MAP4K3: variants seen among roughly 807,000 people sequenced by gnomAD.
MAP4K3 encodes the protein MAPK/ERK kinase kinase kinase 3.
Under a neutral mutation model 143.5 loss-of-function variants are expected in MAP4K3, and 94 were observed. That is an observed-to-expected ratio of 0.65 (90% CI 0.55 to 0.78). The LOEUF (loss-of-function observed/expected upper bound fraction) is 0.78, where lower values mean the gene tolerates loss of function less well. Ranked by LOEUF, MAP4K3 falls within the 30% of genes least tolerant of loss-of-function variation. MAP4K3 has a pLI of 0.00. For synonymous variants in MAP4K3, 416 were observed against 347.2 expected, an observed-to-expected ratio of 1.20 and a Z score of -2.20; for missense variants, 1,077 against 1,068.1, an observed-to-expected ratio of 1.01 and a Z score of -0.12.
intron 32 of MAP4K3, 110 bp downstream of exon 32, chr2:39,254,340 T>C: frequency 1.2e-6 from 1 of 812,238 alleles, no homozygotes; most frequent in Non-Finnish European, 2.1e-6. Flanking sequence ...ATACAGTAAG[T>C]ATTAATAAAG....
At chr2:39,415,969 A>AT (rs1667358502) in intron 1 of MAP4K3, among the ~76,000 whole-genome samples, 1 of 65,868 alleles carries the variant, frequency 1.5e-5, no homozygotes, top group African/African-American at 5.6e-5. Flanking sequence ...AAAAAAAAAA[A>AT]AAAAAAAAAA....
intron 16 of MAP4K3, 92 bp downstream of exon 16, chr2:39,299,651 T>C (rs1308792636): frequency 4.3e-5 from 26 of 600,186 alleles, no homozygotes; most frequent in Non-Finnish European, 7.0e-5. Flanking sequence ...ACCAGCCTAA[T>C]ACAATTTTCT....
At chr2:39,372,005 T>C (rs1019716412) in intron 2 of MAP4K3, among the ~76,000 whole-genome samples, 2 of 151,572 alleles carry the variant, frequency 1.3e-5, no homozygotes, top group Admixed American at 1.3e-4. Context: ...AAATTATCCT[T>C]GTTTGCAGAT....
intron 1 of MAP4K3, among the ~76,000 whole-genome samples, chr2:39,425,349 T>C (rs2148632557): frequency 1.3e-5 from 2 of 152,256 alleles, no homozygotes; most frequent in Admixed American, 1.3e-4. Flanking sequence ...AACACATATC[T>C]AGGAATATAA....
chr2:39,339,835 A>T (rs1444082868), intron 4 of MAP4K3, among the ~76,000 whole-genome samples: 2 of 152,154 alleles, frequency 1.3e-5, no homozygotes, highest in African/African-American at 4.8e-5. Flanking sequence ...AAACAAAAAC[A>T]AAACTCTGGA....
intron 15 of MAP4K3, among the ~76,000 whole-genome samples, chr2:39,302,845 C>T (rs1005933809): frequency 3.9e-5 from 6 of 152,114 alleles, no homozygotes; most frequent in Non-Finnish European, 7.3e-5. Flanking sequence ...TATCCTAGCC[C>T]AATTAAAATA....
chr2:39,429,064 CAAAAAAAAAAA>C (rs34783806), intron 1 of MAP4K3, among the ~76,000 whole-genome samples: 26 of 60,102 alleles, frequency 4.3e-4, no homozygotes, highest in South Asian at 9.6e-4. Context: ...GACTCCGTCT[CAAAAAAAAAAA>C]AAAAAAAAAA....
At position 39,288,186 on chromosome 2, in the gene MAP4K3, T is replaced by A. The variant is rs762103165; in HGVS notation, c.1409A>T (p.Lys470Met). The part of the protein sequence containing the change: ...KRCPMSGSPA[K>M]PSQVPPRPPP... ...TGGTCTAGGTGGAACTTGGGATGGC[T>A]TTGCTGGGCTCCCTGACATGGGACA... Residue 470 changes from lysine (K) to methionine (M), a missense_variant, in exon 20 of 34, where the codon AAG (lysine) becomes ATG (methionine). By Grantham distance (95) the Lys-to-Met change is moderately conservative. This residue lies in a region of MAP4K3 where 864 missense variants were observed against 801.2 expected (regional missense o/e 1.08). Coordinates refer to ENST00000263881, the MANE Select transcript of MAP4K3 (RefSeq NM_003618.4). 8.1e-6 allele frequency: 13 copies of A among 1,614,050 alleles called. No individual in the cohort carries two copies. Among genetic ancestry groups the A allele is most frequent in the Non-Finnish European group, 1.0e-5 (12 of 1,180,024 alleles).
chr2:39,348,810 C>G (rs1233472938), intron 3 of MAP4K3, among the ~76,000 whole-genome samples: 1 of 152,034 alleles, frequency 6.6e-6, no homozygotes. Flanking sequence ...CATACAGGGA[C>G]CAAAATTCTA....
chr2:39,352,161 T>C (rs1040434227), intron 3 of MAP4K3, among the ~76,000 whole-genome samples: 1 of 151,988 alleles, frequency 6.6e-6, no homozygotes, highest in African/African-American at 2.4e-5. Flanking sequence ...TGTGGTAGCG[T>C]GCGCCCGTAA....
At position 39,260,593 on chromosome 2, in the gene MAP4K3, A is replaced by G; in HGVS notation, c.2308+13T>C. On this transcript the variant is annotated intron_variant, in intron 29 of 33. Coordinates refer to ENST00000263881, the MANE Select transcript of MAP4K3 (RefSeq NM_003618.4). ...TATGTATTACCCTTAATAATTCCAT[A>G]AAAATTACAAACCTGATTCTGTAAA... is the stretch of plus-strand genomic sequence containing the variant. The G allele has an allele frequency of 6.2e-7, 1 of 1,612,156 alleles. No homozygotes were observed. Among genetic ancestry groups the G allele is most frequent in the East Asian group, 2.2e-5 (1 of 44,850 alleles).
At chr2:39,416,409 T>C (rs1187687997) in intron 1 of MAP4K3, among the ~76,000 whole-genome samples, 1 of 152,188 alleles carries the variant, frequency 6.6e-6, no homozygotes, top group Non-Finnish European at 1.5e-5. Flanking sequence ...CTTTCCCCTC[T>C]GTGCAAGAGA....
chr2:39,327,060 T>C (rs1347726770), intron 8 of MAP4K3, among the ~76,000 whole-genome samples: 1 of 152,182 alleles, frequency 6.6e-6, no homozygotes, highest in Non-Finnish European at 1.5e-5. Flanking sequence ...AAATATACAA[T>C]TCTAATAGAC....
chr2:39,420,650 C>A (rs1667520233), intron 1 of MAP4K3, among the ~76,000 whole-genome samples: 1 of 151,788 alleles, frequency 6.6e-6, no homozygotes, highest in South Asian at 2.1e-4. Flanking sequence ...TGGCCTCAAG[C>A]AATCCTCCCA....
intron 1 of MAP4K3, among the ~76,000 whole-genome samples, chr2:39,421,023 T>C (rs899158718): frequency 1.3e-5 from 2 of 152,166 alleles, no homozygotes; most frequent in Non-Finnish European, 2.9e-5. Flanking sequence ...ATCATTTCCA[T>C]TCACTCCTAA....
intron 1 of MAP4K3, among the ~76,000 whole-genome samples, chr2:39,410,775 A>G (rs991219004): frequency 1.3e-5 from 2 of 152,220 alleles, no homozygotes; most frequent in Non-Finnish European, 2.9e-5. Context: ...TTTTCACTAT[A>G]GCAATTAAAC....
intron 2 of MAP4K3, among the ~76,000 whole-genome samples, chr2:39,371,817 A>G (rs148410261): frequency 6.6e-6 from 1 of 151,342 alleles, no homozygotes; most frequent in Non-Finnish European, 1.5e-5. Flanking sequence ...CTCTCTATAT[A>G]TATATATGTA....
At chr2:39,406,195 C>T (rs1667087502) in intron 1 of MAP4K3, among the ~76,000 whole-genome samples, 1 of 150,842 alleles carries the variant, frequency 6.6e-6, no homozygotes, top group Admixed American at 6.6e-5. Flanking sequence ...ACAGAGGAGA[C>T]AAAAAAAGAA....
At chr2:39,282,170 G>A (rs928269376) in intron 22 of MAP4K3, among the ~76,000 whole-genome samples, 1 of 151,376 alleles carries the variant, frequency 6.6e-6, no homozygotes, top group Non-Finnish European at 1.5e-5. Flanking sequence ...ACTCTAGCCT[G>A]GGCAACAGAG....
Sources: gnomAD v4.1 joint callset for allele counts (sites outside exome capture counted in the v4.1 genomes callset) on GRCh38, gnomAD v4.1.1 for gene constraint, gnomAD v4.1.1 regional missense constraint, MANE v1.5 for transcripts, NCBI Gene and HGNC (gene_info 2026-07-23, HGNC 2026-07-21) for gene names.